The following BCAS3 variants were observed in gnomAD, a reference collection of about 807,000 sequenced individuals.
BCAS3 encodes the protein BCAS4/BCAS3 fusion.
In BCAS3, 53 loss-of-function variants were observed where a neutral mutation model predicts 116.1. That is an observed-to-expected ratio of 0.46 (90% confidence interval 0.37 to 0.57). The LOEUF (loss-of-function observed/expected upper bound fraction) is 0.57, where lower values mean the gene tolerates loss of function less well. BCAS3 is among the 20% of genes least tolerant of loss of function. The pLI, the probability that BCAS3 is intolerant of heterozygous loss-of-function variation, is 0.00. For synonymous variants in BCAS3, 391 were observed against 408.2 expected, an observed-to-expected ratio of 0.96 and a Z score of 0.51; for missense variants, 917 against 1,165.4, an observed-to-expected ratio of 0.79 and a Z score of 3.10.
rs1368000149 is a variant in BCAS3, at chr17:61,276,710, C to T, written c.2426-91617C>T. 6.6e-6 allele frequency among the ~76,000 whole-genome samples: 1 copy of T among 152,006 alleles called. No homozygotes were observed. The highest frequency in any genetic ancestry group is 1.5e-5 in the Non-Finnish European group (1 of 68,010). Reference sequence around the variant, plus strand: ...ATTTGCAGAAATTGACAAGCTGATCCTAAAATTTACATATAAATTCAAGGG... The same window carrying T: ...ATTTGCAGAAATTGACAAGCTGATCTTAAAATTTACATATAAATTCAAGGG... On this transcript the variant is annotated intron_variant, in intron 22 of 23. Coordinates refer to ENST00000407086, the MANE Select transcript of BCAS3 (RefSeq NM_017679.5). This position sits in a 1 kb window ranked among gnomAD's most constrained non-coding sequence, Gnocchi z 4.2.
At chr17:60,889,623 G>T (rs987304960) in intron 9 of BCAS3, 72 bp from the exon 10 acceptor site, 3 of 1,197,774 alleles carry the variant, frequency 2.5e-6, no homozygotes, top group Admixed American at 2.0e-5. Flanking sequence ...TGTTTTTCTG[G>T]CATCGATATA....
At chr17:61,109,115 G>A (rs2074879557) in intron 22 of BCAS3, among the ~76,000 whole-genome samples, 2 of 151,728 alleles carry the variant, frequency 1.3e-5, no homozygotes, top group South Asian at 2.1e-4. Context: ...GAAACCAGGA[G>A]GCGGAGGTTG....
intron 14 of BCAS3, among the ~76,000 whole-genome samples, chr17:60,977,914 G>T (rs562419790): frequency 7.0e-6 from 1 of 143,014 alleles, no homozygotes; most frequent in East Asian, 2.0e-4. Flanking sequence ...TTGGACATTT[G>T]GGTTGGTTCC....
chr17:60,761,530 A>G (rs2043532269), intron 6 of BCAS3, among the ~76,000 whole-genome samples: 1 of 152,206 alleles, frequency 6.6e-6, no homozygotes, highest in Non-Finnish European at 1.5e-5. Context: ...TGCAAAGGAC[A>G]TGAACTCATC....
At chr17:61,305,521 C>T (rs528153384) in intron 22 of BCAS3, among the ~76,000 whole-genome samples, 1 of 152,316 alleles carries the variant, frequency 6.6e-6, no homozygotes, top group South Asian at 2.1e-4. Context: ...TAATCGTTTA[C>T]ACTGAATTGT....
intron 22 of BCAS3, among the ~76,000 whole-genome samples, chr17:61,345,760 G>A (rs184449696): frequency 8.3e-4 from 127 of 152,248 alleles, no homozygotes; most frequent in African/African-American, 3.1e-3. Context: ...ACGGGGATGG[G>A]CAGTGAAGGA....
At position 61,287,737 on chromosome 17, in the gene BCAS3, AACAAAAC is replaced by A. The variant is rs370960797; in HGVS notation, c.2426-80588_2426-80582del. On this transcript the variant is annotated intron_variant, in intron 22 of 23. Coordinates refer to ENST00000407086, the MANE Select transcript of BCAS3 (RefSeq NM_017679.5). ...TGAGACCCTGTGTCAAAAAACAAAA[AACAAAAC>A]AAAAAAAACACCAACAAGCCAAAAA... Among the ~76,000 whole-genome samples the A allele has an allele frequency of 7.7e-3, 1,170 of 151,240 alleles. 12 individuals are homozygous for A. Among genetic ancestry groups the A allele is most frequent in the African/African-American group, 0.027 (1,093 of 40,660 alleles).
intron 14 of BCAS3, among the ~76,000 whole-genome samples, chr17:60,954,789 A>G (rs1045704070): frequency 2.6e-5 from 4 of 152,178 alleles, no homozygotes; most frequent in African/African-American, 9.6e-5. Context: ...CTTGAGGGTA[A>G]TAAGGATTAT....
chr17:60,871,000 A>T (rs1192408203), intron 8 of BCAS3, among the ~76,000 whole-genome samples: 1 of 152,204 alleles, frequency 6.6e-6, no homozygotes, highest in Non-Finnish European at 1.5e-5. Flanking sequence ...GTCATTTATT[A>T]GTTTTGATAA....
chr17:60,811,300 C>T, intron 7 of BCAS3: 1 of 802,162 alleles, frequency 1.2e-6, no homozygotes, highest in Non-Finnish European at 2.1e-6. Flanking sequence ...AGACTGAGAT[C>T]ACCACCTACT....
Position 61,019,064 on chromosome 17 carries a change from C to A in BCAS3, c.1637+3163C>A, listed in dbSNP as rs568609963. 6.6e-6 allele frequency among the ~76,000 whole-genome samples: 1 copy of A among 152,280 alleles called. No homozygotes were observed. The highest frequency in any genetic ancestry group is 2.1e-4 in the South Asian group (1 of 4,824). Reference sequence around the variant, plus strand: ...GTTGCTAGATGACAAGACTCAATATCTTTAAGCCAGAGGTCCCCAACCCCT... The same window carrying A: ...GTTGCTAGATGACAAGACTCAATATATTTAAGCCAGAGGTCCCCAACCCCT... On this transcript the variant is annotated intron_variant, in intron 16 of 23. Transcript: ENST00000407086. This position sits in a 1 kb window ranked among gnomAD's most constrained non-coding sequence, Gnocchi z 5.6.
rs556984835 is a variant in BCAS3 at position 61,021,788 on chromosome 17, C to T, written c.1637+5887C>T. On this transcript the variant is annotated intron_variant, in intron 16 of 23. Transcript: ENST00000407086. This position sits in a 1 kb window ranked among gnomAD's most constrained non-coding sequence, Gnocchi z 4.6. ...AGACCAAATCTACCATCAGACTTGG[C>T]TATGTGAGTAAATGATATTGGCATA... 3.3e-5 allele frequency among the ~76,000 whole-genome samples: 5 copies of T among 152,304 alleles called. No homozygotes were observed. The South Asian group carries it at 1.0e-3, about 32-fold the overall frequency.
At position 61,235,217 on chromosome 17, in the gene BCAS3, A is replaced by G. The variant is rs16945053; in HGVS notation, c.2426-133110A>G. On this transcript the variant is annotated intron_variant, in intron 22 of 23. Transcript: ENST00000407086. The surrounding 1 kb of genome is among the most constrained non-coding windows in gnomAD (Gnocchi z 5.0). ...CCCCCCGCCTGTCCTAAGCACTTTA[A>G]ATGTGTCAACTCATTTGGTCTCTTT... Among the ~76,000 whole-genome samples the G allele has an allele frequency of 0.043, 6,566 of 152,248 alleles. 340 individuals are homozygous for G. The highest frequency in any genetic ancestry group is 0.17 in the East Asian group (873 of 5,154).
At chr17:60,987,474 A>G (rs1310437502) in intron 14 of BCAS3, among the ~76,000 whole-genome samples, 4 of 152,088 alleles carry the variant, frequency 2.6e-5, no homozygotes, top group Admixed American at 2.0e-4. Flanking sequence ...ATCCATAAAC[A>G]TGGAATATCT....
intron 7 of BCAS3, among the ~76,000 whole-genome samples, chr17:60,865,083 GTAT>G: frequency 6.6e-6 from 1 of 152,240 alleles, no homozygotes; most frequent in South Asian, 2.1e-4. Flanking sequence ...AGAGTTTGAA[GTAT>G]TATGAGAATT....
Position 60,808,014 on chromosome 17 carries a change from A to G in BCAS3, c.414A>G (p.Lys138=), listed in dbSNP as rs1179455715. 2.5e-6 allele frequency: 4 copies of G among 1,606,370 alleles called. No homozygotes were observed. The highest frequency in any genetic ancestry group is 3.4e-6 in the Non-Finnish European group (4 of 1,174,594). The part of the protein sequence containing the change: ...ILPAPQFGAQ[K]CDNFAEKRPL... ...TATCCTTCCTGTCAGGTGCTCAAAA[A>G]TGTGATAACTTTGCTGAAAAAAGAC... The change falls in exon 7 of 24, where the codon AAA becomes AAG. Residue 138 remains lysine, a synonymous_variant. Transcript: ENST00000407086.
chr17:61,239,378 T>G lies in BCAS3; in HGVS notation c.2426-128949T>G, dbSNP rs1271893800. On this transcript the variant is annotated intron_variant, in intron 22 of 23. Coordinates refer to ENST00000407086, the MANE Select transcript of BCAS3 (RefSeq NM_017679.5). The surrounding 1 kb of genome is among the most constrained non-coding windows in gnomAD (Gnocchi z 4.2). ...TGATTAGCTCTACAGATTTTCAGCT[T>G]TTTGTTTTGGGGTTTTTTGTTTTGT... Among the ~76,000 whole-genome samples the G allele has an allele frequency of 6.6e-6, 1 of 152,216 alleles. No homozygotes were observed. Among genetic ancestry groups the G allele is most frequent in the Non-Finnish European group, 1.5e-5 (1 of 68,034 alleles).
intron 22 of BCAS3, among the ~76,000 whole-genome samples, chr17:61,287,428 C>T (rs1218940986): frequency 6.6e-6 from 1 of 150,438 alleles, no homozygotes; most frequent in Non-Finnish European, 1.5e-5. Flanking sequence ...ACATGCTGTT[C>T]CAAGAAAGTG....
chr17:60,774,876 G>A (rs773955026), intron 6 of BCAS3, among the ~76,000 whole-genome samples: 5 of 152,184 alleles, frequency 3.3e-5, no homozygotes, highest in Admixed American at 1.3e-4. Flanking sequence ...CCTGGGCTGC[G>A]TGTTGTTGGA....
Sources: allele counts gnomAD v4.1 joint callset (sites outside exome capture counted in the v4.1 genomes callset), GRCh38; gene constraint gnomAD v4.1.1; non-coding constraint Gnocchi (gnomAD v3.1); transcripts MANE v1.5; gene names NCBI Gene and HGNC (gene_info 2026-07-23, HGNC 2026-07-21).